Variants in RANBP17 observed in about 807,000 individuals in gnomAD.
RANBP17 encodes the protein RAN binding protein 17.
A neutral mutation model predicts 141.2 loss-of-function variants in RANBP17; 158 were observed. The ratio of observed to expected loss-of-function variants is 1.12; its 90% CI spans 0.98 to 1.28. The LOEUF (loss-of-function observed/expected upper bound fraction) is 1.28. Ranked by LOEUF, RANBP17 falls within the 50% of genes most tolerant of loss-of-function variation. The pLI, the probability that RANBP17 is intolerant of heterozygous loss-of-function variation, is 0.00. For missense variants in RANBP17, 1,438 were observed against 1,290.7 expected, an observed-to-expected ratio of 1.11 and a Z score of -1.75; for synonymous variants, 430 against 450.0, an observed-to-expected ratio of 0.96 and a Z score of 0.56.
intron 24 of RANBP17, among the ~76,000 whole-genome samples, chr5:171,260,157 G>A (rs556690280): frequency 7.3e-5 from 11 of 151,484 alleles, no homozygotes; most frequent in African/African-American, 1.5e-4. Flanking sequence ...AAAATTAGCC[G>A]GGCGTGGTGG....
chr5:171,030,687 A>C (rs1332496606), intron 14 of RANBP17, among the ~76,000 whole-genome samples: 1 of 152,064 alleles, frequency 6.6e-6, no homozygotes, highest in East Asian at 1.9e-4. Flanking sequence ...TTAAACCAAG[A>C]ATGTCATCCA....
At chr5:170,917,055 A>G (rs1181210087) in intron 9 of RANBP17, among the ~76,000 whole-genome samples, 2 of 152,136 alleles carry the variant, frequency 1.3e-5, no homozygotes, top group African/African-American at 4.8e-5. Flanking sequence ...AGTTTTTAAA[A>G]ATGGATGTTT....
chr5:171,240,834 C>A, intron 22 of RANBP17, 94 bp from the exon 23 acceptor site: 1 of 722,534 alleles, frequency 1.4e-6, no homozygotes, highest in East Asian at 2.6e-5. Context: ...AGGAAGTGAA[C>A]ATTAGCAGTA....
chr5:171,240,631 GA>G (rs1764809793), intron 22 of RANBP17, among the ~76,000 whole-genome samples: 1 of 148,950 alleles, frequency 6.7e-6, no homozygotes, highest in African/African-American at 2.4e-5. Context: ...ATAGTCTTAA[GA>G]GTACAACTTA....
At chr5:171,224,419 T>C (rs1353481262) in intron 22 of RANBP17, among the ~76,000 whole-genome samples, 2 of 152,164 alleles carry the variant, frequency 1.3e-5, no homozygotes, top group Non-Finnish European at 2.9e-5. Flanking sequence ...ACTAGGGCTG[T>C]TAAGGGAAGT....
chr5:170,881,293 A>G (rs1017126590), intron 2 of RANBP17, among the ~76,000 whole-genome samples: 2 of 152,180 alleles, frequency 1.3e-5, no homozygotes, highest in African/African-American at 4.8e-5. Flanking sequence ...CAAATTTTCA[A>G]GGGTGAGCAT....
At chr5:171,100,725 C>T (rs143140820) in intron 14 of RANBP17, among the ~76,000 whole-genome samples, 1 of 152,198 alleles carries the variant, frequency 6.6e-6, no homozygotes, top group African/African-American at 2.4e-5. Flanking sequence ...TAGGTTTCTC[C>T]TGTGGGCATT....
At chr5:170,992,509 C>G (rs1484498050) in intron 14 of RANBP17, among the ~76,000 whole-genome samples, 1 of 151,990 alleles carries the variant, frequency 6.6e-6, no homozygotes, top group African/African-American at 2.4e-5. Flanking sequence ...ATTGCCCAGT[C>G]TACTTAACAG....
At chr5:171,269,385 A>G (rs990746159) in intron 25 of RANBP17, among the ~76,000 whole-genome samples, 27 of 152,248 alleles carry the variant, frequency 1.8e-4, no homozygotes, top group African/African-American at 6.3e-4. Context: ...TGCGTATAAA[A>G]TTACTTCTGA....
intron 3 of RANBP17, among the ~76,000 whole-genome samples, chr5:170,890,389 A>G (rs1422087342): frequency 2.0e-5 from 3 of 152,116 alleles, no homozygotes; most frequent in Admixed American, 2.0e-4. Context: ...TGCTAAGGAA[A>G]TTATGCTTTT....
chr5:171,299,066 A>G lies in RANBP17; in HGVS notation c.*208A>G, dbSNP rs1348940516. 6 of 466,202 alleles carry G rather than the reference A, an allele frequency of 1.3e-5. No homozygotes were observed. The East Asian group carries it at 1.9e-4, about 15-fold the overall frequency. 28.9% of individuals were successfully genotyped at this position (466,202 alleles called of 1,614,324 possible). ...AAATTCAGTCTTTTCTCTGAAAAGCAAAGGATGTGTTTTCAGTCTTTCTAT... is the reference window on the plus strand; with the variant it reads ...AAATTCAGTCTTTTCTCTGAAAAGCGAAGGATGTGTTTTCAGTCTTTCTAT... On this transcript the variant is annotated 3_prime_UTR_variant, in exon 28 of 28. Coordinates refer to ENST00000523189, the MANE Select transcript of RANBP17 (RefSeq NM_022897.5).
intron 14 of RANBP17, among the ~76,000 whole-genome samples, chr5:171,004,451 G>A (rs1302787500): frequency 6.6e-6 from 1 of 152,150 alleles, no homozygotes; most frequent in Non-Finnish European, 1.5e-5. Flanking sequence ...GAGTTTTAAG[G>A]GGTTTTGAAG....
chr5:171,167,317 A>G (rs912541377), intron 14 of RANBP17, among the ~76,000 whole-genome samples: 3 of 152,174 alleles, frequency 2.0e-5, no homozygotes, highest in African/African-American at 7.2e-5. Context: ...ATGCATAATA[A>G]AATGATTAAA....
rs373484408 is a variant in RANBP17 at position 171,084,093 on chromosome 5, C to T, written c.1711-86037C>T. Among the ~76,000 whole-genome samples the T allele has an allele frequency of 3.5e-4, 52 of 146,498 alleles. 1 individual carries two copies. The South Asian group carries it at 0.011, about 32-fold the overall frequency. ...GTCATCTAGCATTAGGTATATCTCCCAATGCTATCCCTCCCCCCTCCCCCG... is the reference window on the plus strand; with the variant it reads ...GTCATCTAGCATTAGGTATATCTCCTAATGCTATCCCTCCCCCCTCCCCCG... On this transcript the variant is annotated intron_variant, in intron 14 of 27. Coordinates refer to ENST00000523189, the MANE Select transcript of RANBP17 (RefSeq NM_022897.5).
intron 24 of RANBP17, among the ~76,000 whole-genome samples, chr5:171,260,773 C>G (rs567250210): frequency 1.3e-5 from 2 of 151,586 alleles, no homozygotes; most frequent in African/African-American, 4.9e-5. Flanking sequence ...TAAATGTAGG[C>G]TGATGGAGGA....
chr5:171,076,520 A>G (rs554561101), intron 14 of RANBP17, among the ~76,000 whole-genome samples: 1 of 152,354 alleles, frequency 6.6e-6, no homozygotes, highest in African/African-American at 2.4e-5. Context: ...ACTTAAATGA[A>G]CAAGGGCTCC....
intron 18 of RANBP17, among the ~76,000 whole-genome samples, chr5:171,191,409 C>T (rs1421346345): frequency 6.6e-6 from 1 of 152,082 alleles, no homozygotes; most frequent in African/African-American, 2.4e-5. Flanking sequence ...GGTTCAGAGG[C>T]CGGGCGCAGT....
chr5:170,862,091 C>G (rs1286210754), intron 1 of RANBP17, 40 bp downstream of exon 1: 7 of 1,438,762 alleles, frequency 4.9e-6, no homozygotes, highest in Non-Finnish European at 6.3e-6. Context: ...CTCCGCCACG[C>G]TGGGAACCCG....
chr5:171,228,480 G>C (rs947538528), intron 22 of RANBP17, among the ~76,000 whole-genome samples: 3 of 152,182 alleles, frequency 2.0e-5, no homozygotes, highest in Admixed American at 1.3e-4. Flanking sequence ...GTGGTGTCTT[G>C]AGATGGAATC....
Sources: allele counts gnomAD v4.1 joint callset (sites outside exome capture counted in the v4.1 genomes callset), GRCh38; gene constraint gnomAD v4.1.1; transcripts MANE v1.5; gene names NCBI Gene and HGNC (gene_info 2026-07-23, HGNC 2026-07-21).